PRKX: variants seen among roughly 807,000 people sequenced by gnomAD.
PRKX encodes the protein protein kinase cAMP-dependent X-linked catalytic subunit, also known as cAMP-dependent protein kinase catalytic subunit PRKX.
A neutral mutation model predicts 22.0 loss-of-function variants in PRKX; 12 were observed. That is an observed-to-expected ratio of 0.54 (90% confidence interval 0.35 to 0.88). PRKX has a LOEUF of 0.88. Ranked by LOEUF, PRKX falls within the 40% of genes least tolerant of loss-of-function variation. The pLI is 0.01. For missense variants in PRKX, 217 were observed against 308.0 expected, an observed-to-expected ratio of 0.70 and a Z score of 2.21; for synonymous variants, 134 against 137.7, an observed-to-expected ratio of 0.97 and a Z score of 0.19.
intron 5 of PRKX, among the ~76,000 whole-genome samples, chrX:3,623,570 G>A: frequency 9.0e-6 from 1 of 110,917 alleles, no homozygotes; most frequent in African/African-American, 3.3e-5. Flanking sequence ...AAAAGAAAAA[G>A]TAAAATACCA....
chrX:3,695,542 A>G (rs1170312853), intron 1 of PRKX, among the ~76,000 whole-genome samples: 2 of 111,098 alleles, frequency 1.8e-5, no homozygotes, highest in African/African-American at 6.6e-5. Flanking sequence ...CCTCCTGAGT[A>G]GCTGGGACTA....
chrX:3,644,042 T>C (rs1275037788), intron 3 of PRKX, among the ~76,000 whole-genome samples: 1 of 109,795 alleles, frequency 9.1e-6, no homozygotes, highest in Non-Finnish European at 1.9e-5. Context: ...CTGTAAGCCC[T>C]TGGGATAACA....
chrX:3,647,730 G>A (rs1927219342), intron 3 of PRKX, among the ~76,000 whole-genome samples: 1 of 109,231 alleles, frequency 9.2e-6, no homozygotes, highest in African/African-American at 3.3e-5. Flanking sequence ...ACACAGCATA[G>A]AATTTTCCAT....
intron 1 of PRKX, among the ~76,000 whole-genome samples, chrX:3,710,125 C>A (rs1375021989): frequency 2.7e-5 from 3 of 110,446 alleles, no homozygotes; most frequent in African/African-American, 9.9e-5. Flanking sequence ...TGTTCTCCAT[C>A]ATAGGAACAA....
At chrX:3,623,410 G>C (rs1926599161) in intron 5 of PRKX, among the ~76,000 whole-genome samples, 1 of 109,925 alleles carries the variant, frequency 9.1e-6, no homozygotes, top group Non-Finnish European at 1.9e-5. Flanking sequence ...CAAAACATTG[G>C]CCAGGCATGG....
intron 7 of PRKX, among the ~76,000 whole-genome samples, chrX:3,614,367 T>C (rs1926374317): frequency 9.0e-6 from 1 of 111,708 alleles, no homozygotes; most frequent in South Asian, 3.8e-4. Context: ...TGGGCGTCTG[T>C]AATCCCAGCT....
intron 4 of PRKX, among the ~76,000 whole-genome samples, chrX:3,635,612 G>C (rs1216031523): frequency 2.7e-5 from 3 of 110,048 alleles, no homozygotes; most frequent in East Asian, 2.8e-4. Context: ...TTCTGAGACA[G>C]TGTCTTGCTC....
At chrX:3,610,110 T>G (rs1926262527) in intron 8 of PRKX, among the ~76,000 whole-genome samples, 1 of 112,176 alleles carries the variant, frequency 8.9e-6, no homozygotes, top group African/African-American at 3.2e-5. Context: ...TTCCTGCAAC[T>G]AATCGCTCGT....
chrX:3,642,410 G>A (rs1419733734), intron 3 of PRKX, among the ~76,000 whole-genome samples: 1 of 110,560 alleles, frequency 9.0e-6, no homozygotes, highest in African/African-American at 3.3e-5. Context: ...ACTTGTATGT[G>A]GGAGCTAAAC....
intron 3 of PRKX, among the ~76,000 whole-genome samples, chrX:3,654,746 T>A (rs1300150709): frequency 9.1e-6 from 1 of 110,240 alleles, no homozygotes; most frequent in Non-Finnish European, 1.9e-5. Context: ...CGTCCCAAAG[T>A]GCTGGGATTA....
At chrX:3,670,865 T>C (rs952151922) in intron 2 of PRKX, among the ~76,000 whole-genome samples, 1 of 111,371 alleles carries the variant, frequency 9.0e-6, no homozygotes, top group African/African-American at 3.3e-5. Context: ...TTTTCTGTCA[T>C]TTTTTGGGAA....
chrX:3,667,640 G>A (rs1369447575), intron 2 of PRKX, among the ~76,000 whole-genome samples: 1 of 110,731 alleles, frequency 9.0e-6, no homozygotes, highest in Non-Finnish European at 1.9e-5. Flanking sequence ...TCTCCTCACT[G>A]TCCAGCAGCC....
At chrX:3,631,916 T>C (rs1192790942) in intron 4 of PRKX, among the ~76,000 whole-genome samples, 1 of 112,599 alleles carries the variant, frequency 8.9e-6, no homozygotes, top group Admixed American at 9.4e-5. Flanking sequence ...AACCTTTCAG[T>C]CTGTGGTAGT....
At chrX:3,623,151 CGTGTGTGTGTGTGT>C (rs60593114) in intron 5 of PRKX, among the ~76,000 whole-genome samples, 3 of 96,114 alleles carry the variant, frequency 3.1e-5, no homozygotes, top group South Asian at 5.0e-4. Context: ...TAAATTTCAA[CGTGTGTGTGTGTGT>C]GTGTGTGTGT....
rs757532530 is a variant in PRKX at position 3,694,053 on chromosome X, G to T, written c.166+19035C>A. On this transcript the variant is annotated intron_variant, in intron 1 of 8. Coordinates refer to ENST00000262848, the MANE Select transcript of PRKX (RefSeq NM_005044.5). ...AGGGTGGGACCTAAATCCAACAACG[G>T]GTGTCCTTCTAAGAGACAGAAGAGG... 8.2e-5 allele frequency among the ~76,000 whole-genome samples: 9 copies of T among 109,509 alleles called. No homozygotes were observed. In the South Asian group the frequency reaches 3.6e-3, roughly 44 times the overall value.
chrX:3,694,684 GA>G (rs1339057292), intron 1 of PRKX, among the ~76,000 whole-genome samples: 3 of 112,487 alleles, frequency 2.7e-5, no homozygotes, highest in Non-Finnish European at 3.8e-5. Context: ...TGGAAATAAG[GA>G]ACTTTGCAAA....
intron 2 of PRKX, among the ~76,000 whole-genome samples, chrX:3,662,807 G>A (rs1927628498): frequency 9.3e-6 from 1 of 107,075 alleles, no homozygotes; most frequent in Non-Finnish European, 1.9e-5. Flanking sequence ...AGGAGTTCAA[G>A]ATCAGCCTGG....
chrX:3,605,702 G>A lies in PRKX; in HGVS notation c.*3267C>T, dbSNP rs1926153855. 1.8e-5 allele frequency: 2 copies of A among 111,888 alleles called. No homozygotes were observed. The highest frequency in any genetic ancestry group is 1.9e-4 in the Admixed American group (2 of 10,508). The allele number at this position is 111,888 out of a possible 1,213,427, so 9.2% of individuals were successfully genotyped here. A position where few individuals can be genotyped will look rare whatever the true frequency, so the allele number is the denominator to read the frequency against. ...ACAAATGATTTGGTCTTTAAGTATG[G>A]ACAGAAAGAAACAAAACGCTGAATG... On this transcript the variant is annotated 3_prime_UTR_variant, in exon 9 of 9. Transcript: ENST00000262848.
chrX:3,614,889 T>C (rs186272865), intron 7 of PRKX, among the ~76,000 whole-genome samples: 7 of 110,399 alleles, frequency 6.3e-5, no homozygotes, highest in African/African-American at 9.9e-5. Context: ...CCCATAAATA[T>C]GTACCTGTGA....
Sources: gnomAD v4.1 joint callset for allele counts (sites outside exome capture counted in the v4.1 genomes callset) on GRCh38, gnomAD v4.1.1 for gene constraint, MANE v1.5 for transcripts, NCBI Gene and HGNC (gene_info 2026-07-23, HGNC 2026-07-21) for gene names.